The following TRHDE variants were observed in gnomAD, a reference collection of about 807,000 sequenced individuals.
TRHDE encodes thyrotropin releasing hormone degrading enzyme.
TRHDE carries 72 observed loss-of-function variants against 125.7 expected under a neutral mutation model. The observed-to-expected ratio is 0.57, with a 90% CI of 0.47 to 0.70. The LOEUF (loss-of-function observed/expected upper bound fraction) is 0.70. TRHDE is among the 30% of genes least tolerant of loss of function. The pLI is 0.00. For synonymous variants in TRHDE, 509 were observed against 509.1 expected (o/e 1.00, Z 0.00); for missense variants, 1,110 against 1,327.1 (o/e 0.84, Z 2.54).
chr12:72,623,700 A>C (rs963190510), intron 15 of TRHDE, among the ~76,000 whole-genome samples: 1 of 152,050 alleles, frequency 6.6e-6, no homozygotes, highest in African/African-American at 2.4e-5. Context: ...CATGAAGGAT[A>C]AGTAAGATTT....
At chr12:72,332,146 CT>C (rs34965504) in intron 2 of TRHDE, among the ~76,000 whole-genome samples, 52,372 of 149,422 alleles carry the variant, frequency 0.35, 9,795 homozygotes, top group Non-Finnish European at 0.43. Context: ...CTCCCAAACT[CT>C]TTTTTTTTTG....
At chr12:72,503,164 T>C (rs1878223100) in intron 6 of TRHDE, among the ~76,000 whole-genome samples, 1 of 152,198 alleles carries the variant, frequency 6.6e-6, no homozygotes, top group African/African-American at 2.4e-5. Flanking sequence ...ATTTATTACA[T>C]GGATACTCTG....
intron 1 of TRHDE, among the ~76,000 whole-genome samples, chr12:72,103,114 C>T (rs1156309303): frequency 1.3e-5 from 2 of 152,172 alleles, no homozygotes; most frequent in Non-Finnish European, 2.9e-5. Flanking sequence ...TCAGAGTCAG[C>T]GTCCCAGAGA....
At chr12:72,448,967 T>C (rs114655818) in intron 3 of TRHDE, among the ~76,000 whole-genome samples, 5 of 152,168 alleles carry the variant, frequency 3.3e-5, no homozygotes, top group African/African-American at 1.2e-4. Flanking sequence ...CCTGCTGTTA[T>C]ATTCAGTCAG....
intron 6 of TRHDE, among the ~76,000 whole-genome samples, chr12:72,517,434 A>G (rs1316338107): frequency 1.3e-5 from 2 of 152,068 alleles, no homozygotes; most frequent in Non-Finnish European, 2.9e-5. Flanking sequence ...ATTTGCATAG[A>G]GGTGTTTGTA....
At chr12:72,319,083 T>C (rs1001401091) in intron 2 of TRHDE, among the ~76,000 whole-genome samples, 4 of 151,860 alleles carry the variant, frequency 2.6e-5, no homozygotes, top group Non-Finnish European at 5.9e-5. Context: ...GGATGGGAGG[T>C]CACCAGTAAA....
At chr12:72,128,718 C>T (rs935482491) in intron 2 of TRHDE, among the ~76,000 whole-genome samples, 11 of 152,110 alleles carry the variant, frequency 7.2e-5, no homozygotes, top group East Asian at 3.9e-4. Flanking sequence ...GCTGTAGAAA[C>T]GCTCCAAAAG....
intron 1 of TRHDE, among the ~76,000 whole-genome samples, chr12:72,099,286 A>C (rs1207776246): frequency 6.6e-6 from 1 of 152,190 alleles, no homozygotes; most frequent in Non-Finnish European, 1.5e-5. Flanking sequence ...TGCTACTGTG[A>C]CTGCAGTCTA....
chr12:72,417,010 G>A (rs918022063), intron 3 of TRHDE, among the ~76,000 whole-genome samples: 1 of 151,884 alleles, frequency 6.6e-6, no homozygotes, highest in African/African-American at 2.4e-5. Context: ...TGGAATATCT[G>A]CCCCTTTTTT....
chr12:72,420,479 T>A (rs1272691141), intron 3 of TRHDE, among the ~76,000 whole-genome samples: 2 of 152,166 alleles, frequency 1.3e-5, no homozygotes, highest in African/African-American at 2.4e-5. Context: ...TTATATTCAA[T>A]GGGTGTGGAT....
At chr12:72,460,040 G>A (rs1173400529) in intron 3 of TRHDE, among the ~76,000 whole-genome samples, 2 of 152,298 alleles carry the variant, frequency 1.3e-5, no homozygotes, top group South Asian at 2.1e-4. Context: ...TGACCCTAGG[G>A]AATGTGGTTC....
At chr12:72,173,148 A>T (rs1876913360) in intron 2 of TRHDE, among the ~76,000 whole-genome samples, 1 of 152,216 alleles carries the variant, frequency 6.6e-6, no homozygotes, top group Admixed American at 6.5e-5. Context: ...CCAAATAATA[A>T]AATAATGCCT....
chr12:72,584,607 G>A (rs1871368055), intron 12 of TRHDE, among the ~76,000 whole-genome samples: 1 of 152,078 alleles, frequency 6.6e-6, no homozygotes, highest in African/African-American at 2.4e-5. Flanking sequence ...CTATTTCTAT[G>A]AGATCATCTT....
At chr12:72,643,589 T>C (rs1013766878) in intron 15 of TRHDE, among the ~76,000 whole-genome samples, 16 of 152,228 alleles carry the variant, frequency 1.1e-4, no homozygotes, top group African/African-American at 3.9e-4. Context: ...TATCCATTTG[T>C]GTTAGATTCC....
At chr12:72,326,785 A>C (rs1169650641) in intron 2 of TRHDE, among the ~76,000 whole-genome samples, 2 of 152,184 alleles carry the variant, frequency 1.3e-5, no homozygotes, top group Non-Finnish European at 2.9e-5. Flanking sequence ...CACTTTCAGA[A>C]TAACAGGCAA....
At chr12:72,387,997 G>T (rs1872496182) in intron 3 of TRHDE, among the ~76,000 whole-genome samples, 1 of 152,032 alleles carries the variant, frequency 6.6e-6, no homozygotes, top group African/African-American at 2.4e-5. Context: ...TCCTTGGCTT[G>T]CAAGACCCTG....
chr12:72,151,767 G>A lies in TRHDE; in HGVS notation n.279+46015G>A, dbSNP rs1467198250. ...TCCATTGGTCTATATCTCTGTTTTGGTACCAGTACCATGCTGTTTTGGTTA... is the reference window on the plus strand; with the variant it reads ...TCCATTGGTCTATATCTCTGTTTTGATACCAGTACCATGCTGTTTTGGTTA... On this transcript the variant is annotated intron_variant and non_coding_transcript_variant, in intron 2 of 4. Transcript: ENST00000548156. Among the ~76,000 whole-genome samples, 24 of 152,194 alleles carry A rather than the reference G, an allele frequency of 1.6e-4. No homozygotes were observed. The South Asian group carries it at 4.8e-3, about 30-fold the overall frequency.
At chr12:72,095,724 A>G (rs1038305808) in intron 1 of TRHDE, among the ~76,000 whole-genome samples, 1 of 152,200 alleles carries the variant, frequency 6.6e-6, no homozygotes, top group Non-Finnish European at 1.5e-5. Context: ...TGCTGACATG[A>G]AGAAATTTGC....
intron 2 of TRHDE, among the ~76,000 whole-genome samples, chr12:72,226,049 C>T (rs1034447988): frequency 2.0e-5 from 3 of 152,206 alleles, no homozygotes; most frequent in Admixed American, 2.0e-4. Flanking sequence ...TAGCTGGATG[C>T]TAATGATATG....
Sources: gnomAD v4.1 joint callset for allele counts (sites outside exome capture counted in the v4.1 genomes callset) on GRCh38, gnomAD v4.1.1 for gene constraint, MANE v1.5 for transcripts, NCBI Gene and HGNC (gene_info 2026-07-23, HGNC 2026-07-21) for gene names.